CCDC77: variants seen among roughly 807,000 people sequenced by gnomAD.
CCDC77 encodes coiled-coil domain-containing protein 77.
Under a neutral mutation model 66.8 loss-of-function variants are expected in CCDC77, and 56 were observed. That is an observed-to-expected ratio of 0.84 (90% CI 0.68 to 1.05). CCDC77 has a LOEUF of 1.05. CCDC77 is among the 50% of genes least tolerant of loss of function. The probability of loss-of-function intolerance (pLI) is 0.00; values close to 1 mark genes in which losing one functional copy is unlikely to be tolerated. For missense variants in CCDC77, 570 were observed against 576.8 expected (o/e 0.99, Z 0.12); for synonymous variants, 196 against 195.2 (o/e 1.00, Z -0.03).
At chr12:403,715 C>T (rs1257071305) in intron 1 of CCDC77, among the ~76,000 whole-genome samples, 1 of 152,234 alleles carries the variant, frequency 6.6e-6, no homozygotes, top group Non-Finnish European at 1.5e-5. Flanking sequence ...TGGTCTCAAA[C>T]TCCTGACCTC....
chr12:419,087 G>C (rs1240285969), intron 5 of CCDC77, among the ~76,000 whole-genome samples: 13 of 152,192 alleles, frequency 8.5e-5, no homozygotes, highest in Non-Finnish European at 1.5e-4. Context: ...ATGGAGATTT[G>C]CCTTCACGGT....
At chr12:429,463 C>CTTT (rs11385474) in intron 6 of CCDC77, among the ~76,000 whole-genome samples, 2 of 142,988 alleles carry the variant, frequency 1.4e-5, no homozygotes, top group Non-Finnish European at 3.0e-5. Context: ...CCAAGAGCTA[C>CTTT]TTTTTTTTTT....
chr12:411,750 A>G lies in CCDC77; in HGVS notation c.42A>G (p.Arg14=). 1 of 1,612,284 alleles carries G rather than the reference A, an allele frequency of 6.2e-7. No homozygotes were observed. Among genetic ancestry groups the G allele is most frequent in the Non-Finnish European group, 8.5e-7 (1 of 1,178,972 alleles). The change falls in exon 4 of 13, where the codon CGA becomes CGG. Residue 14 remains arginine, a synonymous_variant. Transcript: ENST00000239830. ...TATCATTTCTAATTTCACGTAGGCG[A>G]ACAGTTGTCTCCAAACGTGGTGTTG... ...TPTHTPVCRK[R]TVVSKRGVAV...
intron 1 of CCDC77, among the ~76,000 whole-genome samples, chr12:393,534 G>A (rs1183518079): frequency 1.1e-5 from 1 of 95,022 alleles, no homozygotes; most frequent in Non-Finnish European, 2.2e-5. Context: ...AGTCAATCTT[G>A]TCCTTTTTTT....
intron 2 of CCDC77, among the ~76,000 whole-genome samples, chr12:408,461 C>G (rs955993410): frequency 2.0e-5 from 3 of 152,114 alleles, no homozygotes; most frequent in African/African-American, 7.2e-5. Flanking sequence ...AAGATAGCAT[C>G]AGTGGCTTTA....
intron 5 of CCDC77, among the ~76,000 whole-genome samples, chr12:426,021 G>A (rs1282561898): frequency 2.6e-5 from 4 of 152,046 alleles, no homozygotes; most frequent in Non-Finnish European, 4.4e-5. Flanking sequence ...ACGCTATCAC[G>A]CCCAGCTAAT....
At chr12:392,471 C>T (rs1015531786) in intron 1 of CCDC77, among the ~76,000 whole-genome samples, 2 of 152,078 alleles carry the variant, frequency 1.3e-5, no homozygotes, top group Admixed American at 6.5e-5. Context: ...AGGCCAGGCA[C>T]GGTGGCTCAT....
chr12:427,226 C>T (rs907969142), intron 5 of CCDC77, among the ~76,000 whole-genome samples: 14 of 150,084 alleles, frequency 9.3e-5, no homozygotes, highest in Non-Finnish European at 2.1e-4. Context: ...GCCTGGGCGA[C>T]AGAGCGAGAC....
At chr12:407,550 A>G (rs1390621458) in intron 2 of CCDC77, among the ~76,000 whole-genome samples, 2 of 152,214 alleles carry the variant, frequency 1.3e-5, no homozygotes, top group East Asian at 3.9e-4. Context: ...TAATGTGCAC[A>G]TGCTATTTAA....
At chr12:400,202 G>A (rs777925100), upstream of CCDC77, among the ~76,000 whole-genome samples, 3 of 152,196 alleles carry the variant, frequency 2.0e-5, no homozygotes, top group Non-Finnish European at 2.9e-5. Flanking sequence ...TTTTATTGAA[G>A]AGTTAGGACT....
intron 1 of CCDC77, among the ~76,000 whole-genome samples, chr12:403,630 C>G (rs1944937596): frequency 6.6e-6 from 1 of 152,194 alleles, no homozygotes; most frequent in South Asian, 2.1e-4. Flanking sequence ...ATAGCTGGGA[C>G]TACAGGCACG....
intron 4 of CCDC77, 131 bp from the exon 5 acceptor site, chr12:418,363 A>G: frequency 2.4e-6 from 2 of 819,926 alleles, no homozygotes; most frequent in Non-Finnish European, 3.9e-6. Flanking sequence ...TATTGCTGTC[A>G]TTTGAATTCT....
Position 441,885 on chromosome 12 carries a change from G to C in CCDC77, c.1432G>C (p.Val478Leu). 6.2e-7 allele frequency: 1 copy of C among 1,614,056 alleles called. No homozygotes were observed. ...AGAACTGAAGAATCTTAAGTCGAAA[G>C]TGTTTGGTCTGGAGAATGAACTTAG... ...QGELKNLKSK[V>L]FGLENELRLC Residue 478 changes from valine to leucine, a missense_variant, in exon 13 of 13, where the codon GTG (valine) becomes CTG (leucine). Physicochemically the swap from Val to Leu is conservative, Grantham distance 32. Coordinates refer to ENST00000239830, the MANE Select transcript of CCDC77 (RefSeq NM_032358.4).
chr12:431,858 T>C lies in CCDC77; in HGVS notation c.584-8T>C, dbSNP rs1407709180. ...AATCTTCTTGATGGATTTTGTTTTC[T>C]ATTTTAGATCCTAAAATAAGCAAAA... On this transcript the variant is annotated splice_region_variant and splice_polypyrimidine_tract_variant and intron_variant, in intron 7 of 12. Transcript: ENST00000239830. 3.8e-6 allele frequency: 6 copies of C among 1,576,638 alleles called. No homozygotes were observed. In the Admixed American group the frequency reaches 1.1e-4, roughly 29 times the overall value.
chr12:426,799 T>C (rs1454061223), intron 5 of CCDC77, among the ~76,000 whole-genome samples: 1 of 152,142 alleles, frequency 6.6e-6, no homozygotes, highest in Non-Finnish European at 1.5e-5. Flanking sequence ...CAGCAGTCCT[T>C]AAAATGCCCA....
rs1565568974 is a variant in CCDC77 at position 416,343 on chromosome 12, G to GT, written c.271-2151_271-2150insT. Among the ~76,000 whole-genome samples, 14 of 35,580 alleles carry GT rather than the reference G, an allele frequency of 3.9e-4. 2 individuals carry two copies. The highest frequency in any genetic ancestry group is 1.3e-3 in the African/African-American group (9 of 7,016). The allele number at this position is 35,580 out of a possible 152,430, so 23.3% of individuals were successfully genotyped here. ...TGTGTGTGAGTCTGTGGGTGTGTGG[G>GT]GGTGTGTGTGTGTGTGTGTGTGTGT... On this transcript the variant is annotated intron_variant, in intron 4 of 12. Transcript: ENST00000239830.
chr12:432,466 C>T (rs1945671828), intron 8 of CCDC77, among the ~76,000 whole-genome samples: 1 of 152,096 alleles, frequency 6.6e-6, no homozygotes, highest in African/African-American at 2.4e-5. Context: ...CTACCTTTGG[C>T]CAGTATCTCC....
Position 390,736 on chromosome 12 carries a change from A to AACACACACACACACACACACAC in CCDC77, c.-113+1254_-113+1275dup, listed in dbSNP as rs58938735. 3.0e-3 allele frequency among the ~76,000 whole-genome samples: 446 copies of AACACACACACACACACACACAC among 149,456 alleles called. 3 individuals carry two copies. Among genetic ancestry groups the AACACACACACACACACACACAC allele is most frequent in the African/African-American group, 0.01 (413 of 40,748 alleles). On this transcript the variant is annotated intron_variant, in intron 1 of 11. Transcript: ENST00000422000. ...AGTCCTTAAAATAAATATCTTTATA[A>AACACACACACACACACACACAC]ACACACACACACACACACACACACA...
intron 10 of CCDC77, 148 bp downstream of exon 10, chr12:438,702 T>A (rs1323863863): frequency 1.7e-6 from 1 of 604,594 alleles, no homozygotes; most frequent in Non-Finnish European, 2.9e-6. Flanking sequence ...AAAGAGCAGC[T>A]GATCGTTGTA....
Sources: allele counts gnomAD v4.1 joint callset (sites outside exome capture counted in the v4.1 genomes callset), GRCh38; gene constraint gnomAD v4.1.1; transcripts MANE v1.5; gene names NCBI Gene and HGNC (gene_info 2026-07-23, HGNC 2026-07-21).